INPP4B: variants seen among roughly 807,000 people sequenced by gnomAD.
INPP4B encodes the protein inositol polyphosphate 4-phosphatase type II.
INPP4B carries 55 observed loss-of-function variants against 122.5 expected under a neutral mutation model. The observed-to-expected ratio is 0.45, with a 90% CI of 0.36 to 0.56. The LOEUF is 0.56. Among genes scored for constraint, INPP4B ranks in the 20% least tolerant of loss-of-function variants. INPP4B has a pLI of 0.00. For synonymous variants in INPP4B, 403 were observed against 388.7 expected, an observed-to-expected ratio of 1.04 and a Z score of -0.43; for missense variants, 1,000 against 1,097.7, an observed-to-expected ratio of 0.91 and a Z score of 1.26.
At chr4:142,646,865 G>A (rs1308758851) in intron 2 of INPP4B, among the ~76,000 whole-genome samples, 13 of 152,100 alleles carry the variant, frequency 8.5e-5, no homozygotes. Flanking sequence ...ACAAAACTAA[G>A]CAAACCAAAC....
At chr4:142,530,572 TATATATAC>T (rs1396224957) in intron 2 of INPP4B, among the ~76,000 whole-genome samples, 3 of 148,754 alleles carry the variant, frequency 2.0e-5, no homozygotes, top group Non-Finnish European at 3.0e-5. Context: ...TATATATATA[TATATATAC>T]ACACACACAC....
chr4:142,561,033 C>T (rs1033363728), intron 2 of INPP4B, among the ~76,000 whole-genome samples: 2 of 152,112 alleles, frequency 1.3e-5, no homozygotes, highest in Non-Finnish European at 2.9e-5. Flanking sequence ...GAATTACTGC[C>T]AAATCCATAT....
chr4:142,024,552 G>T lies in INPP4B; in HGVS notation c.*4230C>A, dbSNP rs1352065968. 6.6e-6 allele frequency: 1 copy of T among 152,002 alleles called. No individual in the cohort carries two copies. The highest frequency in any genetic ancestry group is 2.4e-5 in the African/African-American group (1 of 41,364). 9.4% of individuals were successfully genotyped at this position (152,002 alleles called of 1,614,324 possible). A position where few individuals can be genotyped will look rare whatever the true frequency, so the allele number is the denominator to read the frequency against. ...TTTATTTCCTAAAAGACTACAAATG[G>T]TGCCTCATATATTGAACCAAACAAA... On this transcript the variant is annotated 3_prime_UTR_variant, in exon 26 of 26. Coordinates refer to ENST00000262992, the MANE Select transcript of INPP4B (RefSeq NM_001101669.3).
At chr4:142,195,862 A>T (rs1326703293) in intron 14 of INPP4B, among the ~76,000 whole-genome samples, 3 of 152,196 alleles carry the variant, frequency 2.0e-5, no homozygotes, top group Non-Finnish European at 4.4e-5. Context: ...TTATACGAGG[A>T]CTATGCAAGT....
At chr4:142,606,680 C>T (rs559595197) in intron 2 of INPP4B, among the ~76,000 whole-genome samples, 1 of 152,086 alleles carries the variant, frequency 6.6e-6, no homozygotes, top group South Asian at 2.1e-4. Flanking sequence ...TTTTCATATG[C>T]AACACTCTGG....
At chr4:142,136,692 A>G (rs911481573) in intron 18 of INPP4B, among the ~76,000 whole-genome samples, 3 of 152,164 alleles carry the variant, frequency 2.0e-5, no homozygotes, top group Non-Finnish European at 2.9e-5. Context: ...TAGGGCCTGT[A>G]AAAAAGGGAG....
At chr4:142,117,413 A>G (rs201901116) in intron 21 of INPP4B, among the ~76,000 whole-genome samples, 1 of 152,220 alleles carries the variant, frequency 6.6e-6, no homozygotes, top group Admixed American at 6.5e-5. Context: ...AAAATCCTCA[A>G]TAAAATACTG....
chr4:142,413,168 G>GT (rs984717942), intron 5 of INPP4B, among the ~76,000 whole-genome samples: 2 of 152,146 alleles, frequency 1.3e-5, no homozygotes, highest in African/African-American at 4.8e-5. Flanking sequence ...AAATGTGTGG[G>GT]TTTTTTTAGT....
At chr4:142,285,679 G>A (rs747603361) in intron 9 of INPP4B, among the ~76,000 whole-genome samples, 1 of 152,042 alleles carries the variant, frequency 6.6e-6, no homozygotes, top group Non-Finnish European at 1.5e-5. Context: ...TGGACCTCAC[G>A]TATCAGAGTA....
chr4:142,158,024 G>C (rs187407884), intron 17 of INPP4B, among the ~76,000 whole-genome samples: 1 of 151,964 alleles, frequency 6.6e-6, no homozygotes, highest in African/African-American at 2.4e-5. Context: ...TCCTTCTCTT[G>C]TAAGGACCTT....
chr4:142,714,973 A>G (rs1580759732), intron 2 of INPP4B, among the ~76,000 whole-genome samples: 1 of 152,326 alleles, frequency 6.6e-6, no homozygotes, highest in East Asian at 1.9e-4. Context: ...AATTGTCCAC[A>G]TGTGCAGTGG....
intron 7 of INPP4B, among the ~76,000 whole-genome samples, chr4:142,340,390 C>T (rs573912313): frequency 8.5e-6 from 1 of 117,744 alleles, no homozygotes; most frequent in East Asian, 2.9e-4. Flanking sequence ...TGCCATATAA[C>T]GTACTTCTTT....
At chr4:142,123,453 C>T (rs1193515563) in intron 19 of INPP4B, 38 bp from the exon 20 acceptor site, 1 of 1,595,648 alleles carries the variant, frequency 6.3e-7, no homozygotes, top group Non-Finnish European at 8.6e-7. Context: ...CTGCAGTTAG[C>T]AAACGTATTT....
At chr4:142,619,062 G>C (rs1560873470) in intron 2 of INPP4B, among the ~76,000 whole-genome samples, 1 of 151,768 alleles carries the variant, frequency 6.6e-6, no homozygotes, top group South Asian at 2.1e-4. Context: ...CTCTTAAGAT[G>C]GTTTTTATCG....
intron 25 of INPP4B, among the ~76,000 whole-genome samples, chr4:142,058,405 A>G (rs1477380926): frequency 6.6e-6 from 1 of 152,114 alleles, no homozygotes; most frequent in Admixed American, 6.6e-5. Flanking sequence ...TACACAGCAC[A>G]ATATTACTGT....
intron 2 of INPP4B, among the ~76,000 whole-genome samples, chr4:142,653,368 C>A (rs986782391): frequency 3.0e-4 from 46 of 152,156 alleles, no homozygotes; most frequent in South Asian, 6.2e-4. Context: ...CCAAAATTGA[C>A]AAATGGGATC....
At chr4:142,136,773 A>C (rs1047472118) in intron 18 of INPP4B, among the ~76,000 whole-genome samples, 1 of 152,218 alleles carries the variant, frequency 6.6e-6, no homozygotes, top group Non-Finnish European at 1.5e-5. Context: ...AAGCTTGGCA[A>C]ACAAGTGAAG....
chr4:142,724,986 G>C (rs1765154169), intron 2 of INPP4B, among the ~76,000 whole-genome samples: 1 of 151,964 alleles, frequency 6.6e-6, no homozygotes, highest in African/African-American at 2.4e-5. Context: ...TGAACATACA[G>C]TGTCATCACA....
At chr4:142,382,123 A>G (rs1337655950) in intron 7 of INPP4B, among the ~76,000 whole-genome samples, 2 of 152,204 alleles carry the variant, frequency 1.3e-5, no homozygotes, top group African/African-American at 4.8e-5. Flanking sequence ...AAATTTATGC[A>G]TTGAATTTGG....
Sources: allele counts gnomAD v4.1 joint callset (sites outside exome capture counted in the v4.1 genomes callset), GRCh38; gene constraint gnomAD v4.1.1; transcripts MANE v1.5; gene names NCBI Gene and HGNC (gene_info 2026-07-23, HGNC 2026-07-21).